The following ST6GAL2 variants were observed in gnomAD, a reference collection of about 807,000 sequenced individuals.
ST6GAL2 encodes beta-galactoside alpha-2,6-sialyltransferase 2.
ST6GAL2 carries 24 observed loss-of-function variants against 37.5 expected under a neutral mutation model. The observed-to-expected ratio is 0.64, with a 90% CI of 0.46 to 0.90. The LOEUF (loss-of-function observed/expected upper bound fraction) is 0.90, where lower values mean the gene tolerates loss of function less well. ST6GAL2 is among the 40% of genes least tolerant of loss of function. The pLI is 0.00. For missense variants in ST6GAL2, 715 were observed against 712.7 expected, an observed-to-expected ratio of 1.00 and a Z score of -0.04; for synonymous variants, 306 against 295.1, an observed-to-expected ratio of 1.04 and a Z score of -0.38.
chr2:106,828,902 A>C (rs1039014703), intron 5 of ST6GAL2, among the ~76,000 whole-genome samples: 2 of 152,220 alleles, frequency 1.3e-5, no homozygotes, highest in African/African-American at 2.4e-5. Flanking sequence ...GGTAAAACCC[A>C]AAAACTCTGA....
intron 5 of ST6GAL2, among the ~76,000 whole-genome samples, chr2:106,808,818 C>T (rs1191987083): frequency 1.3e-5 from 2 of 152,048 alleles, no homozygotes; most frequent in African/African-American, 2.4e-5. Context: ...AGTCACTTGC[C>T]GACATGGTGA....
chr2:106,840,291 T>C (rs1405980588), intron 2 of ST6GAL2, among the ~76,000 whole-genome samples: 1 of 152,224 alleles, frequency 6.6e-6, no homozygotes, highest in African/African-American at 2.4e-5. Flanking sequence ...CCCAATATTC[T>C]AAGCTGCCTG....
At chr2:106,830,935 C>T (rs1325719327) in intron 4 of ST6GAL2, among the ~76,000 whole-genome samples, 1 of 152,132 alleles carries the variant, frequency 6.6e-6, no homozygotes, top group Non-Finnish European at 1.5e-5. Flanking sequence ...TTTGCTTACA[C>T]CATGTATGTT....
intron 1 of ST6GAL2, among the ~76,000 whole-genome samples, chr2:106,856,035 A>G (rs145567784): frequency 3.9e-5 from 6 of 152,352 alleles, no homozygotes; most frequent in African/African-American, 1.4e-4. Flanking sequence ...GTAAACTTGG[A>G]CAGGTTTCTT....
chr2:106,835,402 C>G (rs1337562424), intron 2 of ST6GAL2, among the ~76,000 whole-genome samples: 2 of 152,204 alleles, frequency 1.3e-5, no homozygotes, highest in Non-Finnish European at 2.9e-5. Flanking sequence ...CAGAAACTCA[C>G]CATGCATGCC....
rs180960052 is a variant in ST6GAL2 at position 106,829,951 on chromosome 2, C to T, written c.1318+115G>A. The T allele has an allele frequency of 1.3e-4, 131 of 973,442 alleles. 1 individual carries two copies. The East Asian group carries it at 2.2e-3, about 16-fold the overall frequency. The allele number at this position is 973,442 out of a possible 1,614,324, so 60.3% of individuals were successfully genotyped here. A position where few individuals can be genotyped will look rare whatever the true frequency, so the allele number is the denominator to read the frequency against. ...TCCAAAATCAGAAATACTTCTGGTT[C>T]CAGGCATTTCAGATAAGGTATTTTC... On this transcript the variant is annotated intron_variant, in intron 5 of 5. Transcript: ENST00000409382.
intron 5 of ST6GAL2, among the ~76,000 whole-genome samples, chr2:106,820,827 T>C (rs1022572536): frequency 6.6e-6 from 1 of 151,972 alleles, no homozygotes; most frequent in African/African-American, 2.4e-5. Context: ...AAGAGGAATT[T>C]TGGAATTAAA....
At chr2:106,865,678 T>G (rs970409244) in intron 1 of ST6GAL2, among the ~76,000 whole-genome samples, 3 of 152,176 alleles carry the variant, frequency 2.0e-5, no homozygotes, top group African/African-American at 7.2e-5. Flanking sequence ...GATGTAACAA[T>G]TTTTAGGGCC....
intron 1 of ST6GAL2, among the ~76,000 whole-genome samples, chr2:106,867,191 A>C (rs903706589): frequency 6.6e-6 from 1 of 152,166 alleles, no homozygotes; most frequent in African/African-American, 2.4e-5. Context: ...AGGGTCCCAC[A>C]GCCAGCCCTG....
At chr2:106,885,605 G>A (rs1678947125) in intron 1 of ST6GAL2, among the ~76,000 whole-genome samples, 1 of 152,044 alleles carries the variant, frequency 6.6e-6, no homozygotes, top group African/African-American at 2.4e-5. Flanking sequence ...TCAAAAGAAT[G>A]CATCAAATAT....
rs2104542130 is a variant in ST6GAL2, at chr2:106,849,431, A to T, written c.-57-5397T>A. Among the ~76,000 whole-genome samples, 7 of 152,340 alleles carry T rather than the reference A, an allele frequency of 4.6e-5. 1 individual carries two copies. In the South Asian group the frequency reaches 1.5e-3, roughly 32 times the overall value. ...AACTCTTTGTGGCGATAAGATGCCA[A>T]ATTCCAACCTGACTCTGGTATAGCA... is the stretch of plus-strand genomic sequence containing the variant. On this transcript the variant is annotated intron_variant, in intron 1 of 5. Transcript: ENST00000409382.
At chr2:106,879,717 ATAT>A (rs758009967) in intron 1 of ST6GAL2, among the ~76,000 whole-genome samples, 11 of 148,052 alleles carry the variant, frequency 7.4e-5, no homozygotes, top group South Asian at 4.2e-4. Flanking sequence ...GACCAATTAT[ATAT>A]TATTATATAG....
At chr2:106,879,166 G>GA (rs1342859203) in intron 1 of ST6GAL2, among the ~76,000 whole-genome samples, 3 of 151,968 alleles carry the variant, frequency 2.0e-5, no homozygotes, top group Non-Finnish European at 2.9e-5. Flanking sequence ...AGACAATACT[G>GA]AAAAAATGCC....
At chr2:106,874,157 G>C (rs570687781) in intron 1 of ST6GAL2, among the ~76,000 whole-genome samples, 21 of 152,294 alleles carry the variant, frequency 1.4e-4, no homozygotes, top group African/African-American at 2.4e-4. Context: ...AGCAGGGATG[G>C]GAAGGGAGCA....
Position 106,829,954 on chromosome 2 carries a change from G to A in ST6GAL2, c.1318+112C>T, listed in dbSNP as rs892876955. The A allele has an allele frequency of 5.0e-6, 5 of 997,070 alleles. No homozygotes were observed. The Admixed American group carries it at 7.3e-5, about 15-fold the overall frequency. The allele number at this position is 997,070 out of a possible 1,614,324, so 61.8% of individuals were successfully genotyped here. A position where few individuals can be genotyped will look rare whatever the true frequency, so the allele number is the denominator to read the frequency against. On this transcript the variant is annotated intron_variant, in intron 5 of 5. Coordinates refer to ENST00000409382, the MANE Select transcript of ST6GAL2 (RefSeq NM_001142351.2). ...AAAATCAGAAATACTTCTGGTTCCA[G>A]GCATTTCAGATAAGGTATTTTCAAC... is the stretch of plus-strand genomic sequence containing the variant.
intron 2 of ST6GAL2, among the ~76,000 whole-genome samples, chr2:106,835,371 G>A (rs1676594498): frequency 6.6e-6 from 1 of 152,150 alleles, no homozygotes; most frequent in South Asian, 2.1e-4. Flanking sequence ...CTTTGGAGTT[G>A]TCTTCTTGCT....
rs1677041731 is a variant in ST6GAL2, at chr2:106,843,920, C to T, written c.58G>A (p.Gly20Arg). 6.3e-7 allele frequency: 1 copy of T among 1,599,730 alleles called. No homozygotes were observed. The highest frequency in any genetic ancestry group is 8.5e-7 in the Non-Finnish European group (1 of 1,178,404). Reference sequence around the variant, plus strand: ...ATGAAAATCAGCAAAAAGAGGAGCCCCCAAGCGAATATTCCGAAAAGCATT... The same window carrying T: ...ATGAAAATCAGCAAAAAGAGGAGCCTCCAAGCGAATATTCCGAAAAGCATT... ...QRMLFGIFAWGLLFLLIFIYF... is the reference protein window; with the variant it reads ...QRMLFGIFAWRLLFLLIFIYF... Residue 20 changes from glycine to arginine, a missense_variant, in exon 2 of 6, where the codon GGG (glycine) becomes AGG (arginine). By Grantham distance (125) the Gly-to-Arg change is moderately radical (BLOSUM62 -2). Around this residue, in one of 3 missense-constraint regions of ST6GAL2, gnomAD observed 512 missense variants for 488.8 expected, o/e 1.05. Coordinates refer to ENST00000409382, the MANE Select transcript of ST6GAL2 (RefSeq NM_001142351.2).
At position 106,884,876 on chromosome 2, in the gene ST6GAL2, A is replaced by T. The variant is rs556142471; in HGVS notation, c.-58+1217T>A. Among the ~76,000 whole-genome samples, 66 of 143,226 alleles carry T rather than the reference A, an allele frequency of 4.6e-4. 3 individuals carry two copies. The South Asian group carries it at 0.014, about 31-fold the overall frequency. The allele number at this position is 143,226 out of a possible 152,430, so 94.0% of individuals were successfully genotyped here. ...AAGGCCACACATCAGTTTTCCTTTT[A>T]AAAAAAGTTTTAACCCTAAATTTGC... On this transcript the variant is annotated intron_variant, in intron 1 of 5. Coordinates refer to ENST00000409382, the MANE Select transcript of ST6GAL2 (RefSeq NM_001142351.2).
chr2:106,862,507 C>A (rs1558719253), intron 1 of ST6GAL2, among the ~76,000 whole-genome samples: 1 of 151,982 alleles, frequency 6.6e-6, no homozygotes, highest in Non-Finnish European at 1.5e-5. Context: ...ACAGCGTAGG[C>A]TTATTACTTT....
Sources: allele counts gnomAD v4.1 joint callset (sites outside exome capture counted in the v4.1 genomes callset), GRCh38; gene constraint gnomAD v4.1.1; regional missense constraint gnomAD v4.1.1; transcripts MANE v1.5; gene names NCBI Gene and HGNC (gene_info 2026-07-23, HGNC 2026-07-21).